Variants in EPS8 observed in about 807,000 individuals in gnomAD.
EPS8 encodes epidermal growth factor receptor kinase substrate 8.
Under a neutral mutation model 103.8 loss-of-function variants are expected in EPS8, and 42 were observed. That is an observed-to-expected ratio of 0.40 (90% CI 0.32 to 0.52). The LOEUF (loss-of-function observed/expected upper bound fraction) is 0.52, where lower values mean the gene tolerates loss of function less well. EPS8 is among the 20% of genes least tolerant of loss of function. The probability of loss-of-function intolerance (pLI) is 0.40; values close to 1 mark genes in which losing one functional copy is unlikely to be tolerated. For synonymous variants in EPS8, 344 were observed against 344.6 expected (o/e 1.00, Z 0.02); for missense variants, 969 against 1,005.1 (o/e 0.96, Z 0.49).
chr12:15,760,758 G>A lies in EPS8; in HGVS notation c.-22+28403C>T, dbSNP rs1007039030. 1.1e-4 allele frequency among the ~76,000 whole-genome samples: 16 copies of A among 152,004 alleles called. No individual in the cohort carries two copies. The highest frequency in any genetic ancestry group is 3.9e-4 in the African/African-American group (16 of 41,396). ...TTGATTAAATTTAACATCCCTTCAT[G>A]ATAAAAACCCTCAAAAAGCTGGGAA... On this transcript the variant is annotated intron_variant, in intron 1 of 20. Transcript: ENST00000281172. The surrounding 1 kb of genome is among the most constrained non-coding windows in gnomAD (Gnocchi z 4.5).
chr12:15,719,877 A>C (rs574830189), intron 1 of EPS8, among the ~76,000 whole-genome samples: 1 of 152,352 alleles, frequency 6.6e-6, no homozygotes, highest in South Asian at 2.1e-4. Context: ...ACATGGGGCT[A>C]TGAAAAACAG....
rs1944841591 is a variant in EPS8 at position 15,620,287 on chromosome 12, A to G, written c.*1030T>C. On this transcript the variant is annotated 3_prime_UTR_variant, in exon 21 of 21. Coordinates refer to ENST00000281172, the MANE Select transcript of EPS8 (RefSeq NM_004447.6). ...TTATGTTAAAATATACAACATTCTT[A>G]CATAACATCTGTTTTATATATGTGA... 1 of 152,674 alleles carries G rather than the reference A, an allele frequency of 6.5e-6. No individual in the cohort carries two copies. The highest frequency in any genetic ancestry group is 1.5e-5 in the Non-Finnish European group (1 of 68,036). The allele number at this position is 152,674 out of a possible 1,614,324, so 9.5% of individuals were successfully genotyped here.
Position 15,650,955 on chromosome 12 carries a change from G to A in EPS8, c.1302C>T (p.Arg434=). 1 of 1,614,084 alleles carries A rather than the reference G, an allele frequency of 6.2e-7. No homozygotes were observed. Among genetic ancestry groups the A allele is most frequent in the East Asian group, 2.2e-5 (1 of 44,878 alleles). Residue 434 remains arginine (R), a synonymous_variant, in exon 14 of 21, where the codon CGC becomes CGT. Coordinates refer to ENST00000281172, the MANE Select transcript of EPS8 (RefSeq NM_004447.6). ...QFIPPYVPRF[R]NGWEPPMLNF... The stretch of plus-strand genomic sequence containing the variant: ...TCAGCATTGGGGGCTCCCAGCCATT[G>A]CGGAATCGTGGAACATATGGTGGAA...
At chr12:15,642,143 C>T (rs1488852865) in intron 15 of EPS8, among the ~76,000 whole-genome samples, 3 of 151,986 alleles carry the variant, frequency 2.0e-5, no homozygotes, top group African/African-American at 7.2e-5. Flanking sequence ...ATGTTAATTA[C>T]CATCTCTACC....
intron 17 of EPS8, among the ~76,000 whole-genome samples, chr12:15,631,916 T>C (rs1945053660): frequency 6.6e-6 from 1 of 152,164 alleles, no homozygotes; most frequent in Admixed American, 6.5e-5. Flanking sequence ...AGTAGTATTA[T>C]AGTAATAAAT....
chr12:15,711,111 C>A (rs1272711364), intron 1 of EPS8, among the ~76,000 whole-genome samples: 2 of 151,684 alleles, frequency 1.3e-5, no homozygotes, highest in East Asian at 3.9e-4. Context: ...CACTATGATG[C>A]CCAGGCTGGC....
chr12:15,761,733 T>A lies in EPS8; in HGVS notation c.-22+27428A>T, dbSNP rs1359972941. Among the ~76,000 whole-genome samples, 2 of 152,022 alleles carry A rather than the reference T, an allele frequency of 1.3e-5. No homozygotes were observed. Among genetic ancestry groups the A allele is most frequent in the Non-Finnish European group, 2.9e-5 (2 of 67,986 alleles). ...GCGCTGGGAAAACTGGATATCCATA[T>A]CCAGAAGAAGGAAACTAGACCCCTA... On this transcript the variant is annotated intron_variant, in intron 1 of 20. Transcript: ENST00000281172. The surrounding 1 kb of genome is among the most constrained non-coding windows in gnomAD (Gnocchi z 4.5).
intron 18 of EPS8, among the ~76,000 whole-genome samples, chr12:15,626,160 A>C (rs138442820): frequency 1.3e-5 from 2 of 152,290 alleles, no homozygotes; most frequent in African/African-American, 4.8e-5. Flanking sequence ...CCAATCCATC[A>C]GCAGATCCTG....
In EPS8 at chr12:15,767,980, A is replaced by C. The variant is rs1214527639; in HGVS notation, c.-22+21181T>G. ...TGTTAAGTATTACCTTAGAAACTGG[A>C]ATTATGCTTTTCTTCCATTGCAGTT... On this transcript the variant is annotated intron_variant, in intron 1 of 20. Coordinates refer to ENST00000281172, the MANE Select transcript of EPS8 (RefSeq NM_004447.6). The surrounding 1 kb of genome is among the most constrained non-coding windows in gnomAD (Gnocchi z 5.5). Among the ~76,000 whole-genome samples, 2 of 152,324 alleles carry C rather than the reference A, an allele frequency of 1.3e-5. No individual in the cohort carries two copies. The highest frequency in any genetic ancestry group is 3.9e-4 in the East Asian group (2 of 5,192).
At chr12:15,663,738 C>T (rs976591033) in intron 8 of EPS8, among the ~76,000 whole-genome samples, 1 of 150,568 alleles carries the variant, frequency 6.6e-6, no homozygotes, top group Non-Finnish European at 1.5e-5. Flanking sequence ...TCCTGGCTAA[C>T]ACAGTGAAAC....
At position 15,784,525 on chromosome 12, in the gene EPS8, C is replaced by T. The variant is rs75425691; in HGVS notation, c.-22+4636G>A. On this transcript the variant is annotated intron_variant, in intron 1 of 20. Coordinates refer to ENST00000281172, the MANE Select transcript of EPS8 (RefSeq NM_004447.6). This position sits in a 1 kb window ranked among gnomAD's most constrained non-coding sequence, Gnocchi z 4.0. ...AAAGATGTGGGGCAATAAGAACTCA[C>T]ATTCATTGCTGGTGAGAATGTAATA... is the stretch of plus-strand genomic sequence containing the variant. Among the ~76,000 whole-genome samples the T allele has an allele frequency of 6.6e-6, 1 of 152,244 alleles. No homozygotes were observed. Among genetic ancestry groups the T allele is most frequent in the South Asian group, 2.1e-4 (1 of 4,832 alleles).
chr12:15,700,216 G>C lies in EPS8; in HGVS notation c.-21-17244C>G, dbSNP rs1405520141. On this transcript the variant is annotated intron_variant, in intron 1 of 20. Coordinates refer to ENST00000281172, the MANE Select transcript of EPS8 (RefSeq NM_004447.6). The surrounding 1 kb of genome is among the most constrained non-coding windows in gnomAD (Gnocchi z 5.1). ...ACCAACTCAACGTTAACAATATCTA[G>C]TCAATTGGCAATTATTTATCATGTT... 6.6e-6 allele frequency among the ~76,000 whole-genome samples: 1 copy of C among 152,100 alleles called. No individual in the cohort carries two copies. The highest frequency in any genetic ancestry group is 1.5e-5 in the Non-Finnish European group (1 of 68,010).
chr12:15,641,195 T>C (rs981497386), intron 16 of EPS8, among the ~76,000 whole-genome samples: 3 of 152,250 alleles, frequency 2.0e-5, no homozygotes, highest in East Asian at 1.9e-4. Flanking sequence ...AAAAAGTATA[T>C]AAAAATTACT....
intron 1 of EPS8, among the ~76,000 whole-genome samples, chr12:15,707,054 G>C (rs1276700585): frequency 6.6e-6 from 1 of 152,122 alleles, no homozygotes; most frequent in Admixed American, 6.5e-5. Context: ...AAAAGAGCAG[G>C]CTAAATACAT....
At chr12:15,719,757 A>G (rs866592965) in intron 1 of EPS8, among the ~76,000 whole-genome samples, 3 of 152,296 alleles carry the variant, frequency 2.0e-5, no homozygotes, top group African/African-American at 7.2e-5. Context: ...TTTATTTTCA[A>G]TTGATAAAAT....
intron 8 of EPS8, among the ~76,000 whole-genome samples, chr12:15,662,914 G>A (rs931186488): frequency 2.0e-5 from 3 of 149,454 alleles, no homozygotes; most frequent in Non-Finnish European, 4.4e-5. Flanking sequence ...ATGTTCAATA[G>A]AGAGAACTGC....
At chr12:15,678,524 C>A (rs1945948225) in intron 3 of EPS8, among the ~76,000 whole-genome samples, 1 of 152,098 alleles carries the variant, frequency 6.6e-6, no homozygotes, top group Non-Finnish European at 1.5e-5. Flanking sequence ...TTACAGTATA[C>A]AAAATTGTTA....
In EPS8 at chr12:15,785,785, T is replaced by C. The variant is rs111281615; in HGVS notation, c.-22+3376A>G. Among the ~76,000 whole-genome samples the C allele has an allele frequency of 2.7e-5, 4 of 146,052 alleles. No homozygotes were observed. The highest frequency in any genetic ancestry group is 1.1e-4 in the African/African-American group (4 of 35,856). ...TAGAGCATCTCATAATACCAGAAAG[T>C]AAGGAAATGCTTCCAAAAAAACAAA... On this transcript the variant is annotated intron_variant, in intron 1 of 20. Transcript: ENST00000281172. This position sits in a 1 kb window ranked among gnomAD's most constrained non-coding sequence, Gnocchi z 4.9.
intron 1 of EPS8, among the ~76,000 whole-genome samples, chr12:15,722,976 C>G (rs557342914): frequency 2.9e-4 from 44 of 151,150 alleles, no homozygotes; most frequent in Non-Finnish European, 5.9e-4. Context: ...ATCTCACACT[C>G]TCACCAAAAC....
Sources: gnomAD v4.1 joint callset for allele counts (sites outside exome capture counted in the v4.1 genomes callset) on GRCh38, gnomAD v4.1.1 for gene constraint, Gnocchi (gnomAD v3.1) non-coding constraint, MANE v1.5 for transcripts, NCBI Gene and HGNC (gene_info 2026-07-23, HGNC 2026-07-21) for gene names.